ADAMTSL1: variants seen among roughly 807,000 people sequenced by gnomAD.
ADAMTSL1 encodes the protein ADAMTS like 1, also known as ADAMTS-like protein 1.
In ADAMTSL1, 126 loss-of-function variants were observed where a neutral mutation model predicts 201.8. The ratio of observed to expected loss-of-function variants is 0.62; its 90% CI spans 0.54 to 0.72. The LOEUF is 0.72. Among genes scored for constraint, ADAMTSL1 ranks in the 30% least tolerant of loss-of-function variants. ADAMTSL1 has a pLI of 0.00. For synonymous variants in ADAMTSL1, 1,121 were observed against 903.4 expected, an observed-to-expected ratio of 1.24 and a Z score of -4.32; for missense variants, 2,679 against 2,277.8, an observed-to-expected ratio of 1.18 and a Z score of -3.59.
intron 2 of ADAMTSL1, among the ~76,000 whole-genome samples, chr9:18,361,328 T>C (rs1391659275): frequency 6.6e-6 from 1 of 152,234 alleles, no homozygotes; most frequent in Non-Finnish European, 1.5e-5. Context: ...ATAACCACTA[T>C]TAAAATGTTG....
intron 1 of ADAMTSL1, among the ~76,000 whole-genome samples, chr9:18,154,314 A>G (rs117939632): frequency 0.011 from 1,712 of 152,186 alleles, 13 homozygotes; most frequent in Non-Finnish European, 0.02. Flanking sequence ...GTTCAACTGA[A>G]TGATTCTTCT....
At chr9:18,665,743 G>A (rs1829391220) in intron 9 of ADAMTSL1, among the ~76,000 whole-genome samples, 1 of 151,902 alleles carries the variant, frequency 6.6e-6, no homozygotes, top group Non-Finnish European at 1.5e-5. Flanking sequence ...GGATTCCATG[G>A]TGGTGGATTA....
intron 1 of ADAMTSL1, among the ~76,000 whole-genome samples, chr9:17,945,757 A>T (rs1827439611): frequency 7.0e-6 from 1 of 143,480 alleles, no homozygotes; most frequent in Admixed American, 7.4e-5. Context: ...ATAGGTGGGA[A>T]TTGAACAATG....
At chr9:18,644,143 G>A (rs995567086) in intron 7 of ADAMTSL1, among the ~76,000 whole-genome samples, 3 of 151,484 alleles carry the variant, frequency 2.0e-5, no homozygotes, top group African/African-American at 7.3e-5. Flanking sequence ...ATTATACCTG[G>A]GATTGTTTCA....
At chr9:18,140,225 G>A (rs553100122) in intron 1 of ADAMTSL1, among the ~76,000 whole-genome samples, 32 of 152,194 alleles carry the variant, frequency 2.1e-4, no homozygotes, top group South Asian at 6.2e-4. Context: ...GTGGGAAAAC[G>A]TTTCTAAGAT....
At chr9:18,603,979 AC>A (rs1824840813) in intron 4 of ADAMTSL1, among the ~76,000 whole-genome samples, 1 of 152,232 alleles carries the variant, frequency 6.6e-6, no homozygotes, top group African/African-American at 2.4e-5. Context: ...CGCAGATGGA[AC>A]AATGGCGAGA....
chr9:18,782,785 G>A (rs936156643), intron 19 of ADAMTSL1, among the ~76,000 whole-genome samples: 1 of 152,224 alleles, frequency 6.6e-6, no homozygotes, highest in Non-Finnish European at 1.5e-5. Flanking sequence ...GCACTGTGAT[G>A]TGAGGAGGAA....
At chr9:18,379,156 G>A (rs973164735) in intron 2 of ADAMTSL1, among the ~76,000 whole-genome samples, 1 of 152,222 alleles carries the variant, frequency 6.6e-6, no homozygotes, top group Non-Finnish European at 1.5e-5. Flanking sequence ...GGAGGCCATC[G>A]TTTTGGACAA....
At chr9:18,796,299 G>A (rs978389113) in intron 20 of ADAMTSL1, among the ~76,000 whole-genome samples, 25 of 152,178 alleles carry the variant, frequency 1.6e-4, no homozygotes, top group African/African-American at 5.8e-4. Context: ...AGTGGCGGGG[G>A]AAGAAGGGAA....
intron 1 of ADAMTSL1, among the ~76,000 whole-genome samples, chr9:17,937,164 T>C (rs1008821908): frequency 6.6e-6 from 1 of 152,160 alleles, no homozygotes; most frequent in African/African-American, 2.4e-5. Flanking sequence ...AAGCTGTTTT[T>C]TGAAAGCATC....
intron 16 of ADAMTSL1, among the ~76,000 whole-genome samples, chr9:18,768,265 C>G (rs1318115548): frequency 1.3e-5 from 2 of 152,138 alleles, no homozygotes; most frequent in Non-Finnish European, 2.9e-5. Context: ...ACACTACCCT[C>G]CATTGGGTCT....
chr9:18,365,421 T>G (rs1246589871), intron 2 of ADAMTSL1, among the ~76,000 whole-genome samples: 3 of 152,142 alleles, frequency 2.0e-5, no homozygotes, highest in Non-Finnish European at 4.4e-5. Flanking sequence ...AAAGGATTGA[T>G]TAACACAAAA....
At chr9:18,417,367 G>GAAAAAAAA (rs80226819) in intron 2 of ADAMTSL1, among the ~76,000 whole-genome samples, 3 of 64,670 alleles carry the variant, frequency 4.6e-5, no homozygotes, top group Non-Finnish European at 6.3e-5. Flanking sequence ...AAGTAAGCAG[G>GAAAAAAAA]AAAAAAAAAA....
At chr9:18,885,541 G>T (rs1828795031) in intron 23 of ADAMTSL1, among the ~76,000 whole-genome samples, 1 of 152,210 alleles carries the variant, frequency 6.6e-6, no homozygotes, top group Admixed American at 6.5e-5. Context: ...AAAGCCAAGA[G>T]GGGGAAGTAT....
intron 1 of ADAMTSL1, among the ~76,000 whole-genome samples, chr9:18,475,510 A>G (rs532854308): frequency 6.6e-6 from 1 of 152,340 alleles, no homozygotes; most frequent in South Asian, 2.1e-4. Context: ...ATAATGCTGC[A>G]TTGCAAGTGC....
chr9:18,581,740 G>A (rs777930621), intron 4 of ADAMTSL1, among the ~76,000 whole-genome samples: 2 of 152,102 alleles, frequency 1.3e-5, no homozygotes, highest in Non-Finnish European at 2.9e-5. Flanking sequence ...AAAGAAAAAG[G>A]GATCATAGGT....
chr9:18,902,449 A>T (rs1197599451), intron 26 of ADAMTSL1, among the ~76,000 whole-genome samples: 2 of 151,990 alleles, frequency 1.3e-5, no homozygotes, highest in African/African-American at 4.8e-5. Context: ...AGTCAACAGC[A>T]GAAGTAAACT....
chr9:18,758,901 C>A (rs773343857), intron 16 of ADAMTSL1, among the ~76,000 whole-genome samples: 8 of 152,124 alleles, frequency 5.3e-5, no homozygotes, highest in African/African-American at 1.7e-4. Context: ...CTTCCACTAC[C>A]CTTTTGCCTC....
chr9:18,425,352 A>G (rs1390502404), intron 2 of ADAMTSL1, among the ~76,000 whole-genome samples: 1 of 152,304 alleles, frequency 6.6e-6, no homozygotes, highest in African/African-American at 2.4e-5. Flanking sequence ...CACACGTGCA[A>G]TCTTACCACC....
Sources: allele counts gnomAD v4.1 joint callset (sites outside exome capture counted in the v4.1 genomes callset), GRCh38; gene constraint gnomAD v4.1.1; transcripts MANE v1.5; gene names NCBI Gene and HGNC (gene_info 2026-07-23, HGNC 2026-07-21).